EPHA5: variants seen among roughly 807,000 people sequenced by gnomAD.
EPHA5 encodes EPH receptor A5, also known as ephrin type-A receptor 5.
A neutral mutation model predicts 105.0 loss-of-function variants in EPHA5; 60 were observed. The ratio of observed to expected loss-of-function variants is 0.57; its 90% CI spans 0.46 to 0.71. The LOEUF is 0.71. Ranked by LOEUF, EPHA5 falls within the 30% of genes least tolerant of loss-of-function variation. The probability of loss-of-function intolerance (pLI) is 0.00; values close to 1 mark genes in which losing one functional copy is unlikely to be tolerated. For synonymous variants in EPHA5, 513 were observed against 449.1 expected, an observed-to-expected ratio of 1.14 and a Z score of -1.80; for missense variants, 1,218 against 1,274.7, an observed-to-expected ratio of 0.96 and a Z score of 0.68.
At chr4:65,596,100 C>T (rs1415120892) in intron 3 of EPHA5, among the ~76,000 whole-genome samples, 1 of 152,172 alleles carries the variant, frequency 6.6e-6, no homozygotes, top group African/African-American at 2.4e-5. Context: ...TAAACATGTA[C>T]ATCTCCTTCA....
At chr4:65,477,390 C>A (rs1435304020) in intron 5 of EPHA5, among the ~76,000 whole-genome samples, 2 of 151,856 alleles carry the variant, frequency 1.3e-5, no homozygotes, top group African/African-American at 4.8e-5. Flanking sequence ...GGAATCACTT[C>A]ATGTTTTTTG....
intron 2 of EPHA5, among the ~76,000 whole-genome samples, chr4:65,625,994 GA>G (rs1422975704): frequency 6.6e-6 from 1 of 151,720 alleles, no homozygotes; most frequent in Non-Finnish European, 1.5e-5. Flanking sequence ...CAGCTACTCG[GA>G]GAGGCTGAGG....
chr4:65,596,867 A>G (rs1743245866), intron 3 of EPHA5, among the ~76,000 whole-genome samples: 1 of 152,184 alleles, frequency 6.6e-6, no homozygotes, highest in Non-Finnish European at 1.5e-5. Context: ...TAATGTCCCT[A>G]ATTAAAAATA....
intron 5 of EPHA5, among the ~76,000 whole-genome samples, chr4:65,487,026 G>A (rs1425018297): frequency 6.6e-6 from 1 of 152,168 alleles, no homozygotes; most frequent in East Asian, 1.9e-4. Flanking sequence ...CTCGCCATGT[G>A]AGATGCCTCA....
chr4:65,610,499 T>C (rs1054763942), intron 2 of EPHA5, among the ~76,000 whole-genome samples: 6 of 151,988 alleles, frequency 3.9e-5, no homozygotes, highest in African/African-American at 1.4e-4. Flanking sequence ...AACCTGCACA[T>C]GTGCCCCGAG....
intron 8 of EPHA5, among the ~76,000 whole-genome samples, chr4:65,388,439 G>A (rs113766396): frequency 0.11 from 16,836 of 149,792 alleles, 1,241 homozygotes; most frequent in East Asian, 0.2. Flanking sequence ...CACCAACAGT[G>A]TAAAAGTGTT....
In EPHA5 at chr4:65,325,243, C is replaced by T. The variant is rs540389345; in HGVS notation, c.2946-1024G>A. 7.9e-5 allele frequency among the ~76,000 whole-genome samples: 12 copies of T among 151,342 alleles called. 1 individual carries two copies. The South Asian group carries it at 2.5e-3, about 31-fold the overall frequency. ...TCTTAGAGTTCTATTGAATTAATGACATTAGACATTAGAATAATCACAGGT... is the reference window on the plus strand; with the variant it reads ...TCTTAGAGTTCTATTGAATTAATGATATTAGACATTAGAATAATCACAGGT... On this transcript the variant is annotated intron_variant, in intron 16 of 16. Transcript: ENST00000613740.
rs2148769014 is a variant in EPHA5 at position 65,321,191 on chromosome 4, G to A, written c.*2923C>T. ...AAAGACTCATGCCCCTTAAGATATT[G>A]CTACTGGCAATTACAATAAGATTAT... On this transcript the variant is annotated 3_prime_UTR_variant, in exon 17 of 17. Transcript: ENST00000613740. The A allele has an allele frequency of 4.3e-6, 1 of 230,518 alleles. No individual in the cohort carries two copies. The highest frequency in any genetic ancestry group is 8.6e-6 in the Non-Finnish European group (1 of 116,312). 14.3% of individuals were successfully genotyped at this position (230,518 alleles called of 1,614,324 possible).
intron 8 of EPHA5, among the ~76,000 whole-genome samples, chr4:65,392,732 ATTATGT>A (rs1229929495): frequency 1.3e-5 from 2 of 152,152 alleles, no homozygotes; most frequent in African/African-American, 4.8e-5. Flanking sequence ...TGAGCATTTC[ATTATGT>A]TTATTTTAGA....
At chr4:65,606,019 T>C (rs1744197269) in intron 2 of EPHA5, among the ~76,000 whole-genome samples, 1 of 152,202 alleles carries the variant, frequency 6.6e-6, no homozygotes, top group South Asian at 2.1e-4. Flanking sequence ...GCTGACTACC[T>C]GGGCATCTCC....
chr4:65,651,961 C>T (rs1748647225), intron 1 of EPHA5, among the ~76,000 whole-genome samples: 1 of 152,088 alleles, frequency 6.6e-6, no homozygotes, highest in Admixed American at 6.5e-5. Context: ...GCTATATTCA[C>T]AGAACATATT....
intron 14 of EPHA5, among the ~76,000 whole-genome samples, chr4:65,345,111 A>T (rs1450040624): frequency 6.6e-6 from 1 of 152,166 alleles, no homozygotes; most frequent in Non-Finnish European, 1.5e-5. Context: ...AAGTATAAAT[A>T]TATGTAACAG....
intron 1 of EPHA5, among the ~76,000 whole-genome samples, chr4:65,654,005 G>C (rs966705901): frequency 2.0e-5 from 3 of 151,986 alleles, no homozygotes; most frequent in African/African-American, 4.8e-5. Context: ...ACAGCAATCT[G>C]CTTGCCAATT....
intron 2 of EPHA5, among the ~76,000 whole-genome samples, chr4:65,604,878 C>T (rs531298274): frequency 3.3e-5 from 5 of 152,108 alleles, no homozygotes; most frequent in Admixed American, 6.5e-5. Flanking sequence ...TCAATATTTT[C>T]TGTTCATTTT....
rs1719593078 is a variant in EPHA5, at chr4:65,320,957, T to C, written c.*3157A>G. On this transcript the variant is annotated 3_prime_UTR_variant, in exon 17 of 17. Coordinates refer to ENST00000613740, the MANE Select transcript of EPHA5 (RefSeq NM_001281766.3). ...AAATAAAAGATCATGCACATTACAA[T>C]TTTAAAACATAGGAAAATCAAAATC... 8.7e-6 allele frequency: 2 copies of C among 230,272 alleles called. No homozygotes were observed. The highest frequency in any genetic ancestry group is 1.7e-5 in the Non-Finnish European group (2 of 116,190). 14.3% of individuals were successfully genotyped at this position (230,272 alleles called of 1,614,324 possible). A position where few individuals can be genotyped will look rare whatever the true frequency, so the allele number is the denominator to read the frequency against.
At chr4:65,596,672 C>G (rs1402387270) in intron 3 of EPHA5, among the ~76,000 whole-genome samples, 2 of 107,766 alleles carry the variant, frequency 1.9e-5, no homozygotes, top group African/African-American at 6.1e-5. Flanking sequence ...TTGTGCCTCA[C>G]AAAAGCAGAA....
intron 5 of EPHA5, among the ~76,000 whole-genome samples, chr4:65,477,586 T>C (rs1729949325): frequency 6.6e-6 from 1 of 152,012 alleles, no homozygotes; most frequent in African/African-American, 2.4e-5. Flanking sequence ...GTAATTTTTG[T>C]ATTTTTAGTA....
intron 7 of EPHA5, among the ~76,000 whole-genome samples, chr4:65,405,512 C>T (rs1467873650): frequency 1.3e-5 from 2 of 152,076 alleles, no homozygotes; most frequent in Non-Finnish European, 1.5e-5. Context: ...CAAATACCTC[C>T]CTTTCTATTT....
At chr4:65,474,673 A>G (rs111937823) in intron 5 of EPHA5, among the ~76,000 whole-genome samples, 37 of 152,322 alleles carry the variant, frequency 2.4e-4, no homozygotes, top group African/African-American at 7.9e-4. Flanking sequence ...TAAAGAAGAT[A>G]TTGGTGTTTT....
Sources: allele counts gnomAD v4.1 joint callset (sites outside exome capture counted in the v4.1 genomes callset), GRCh38; gene constraint gnomAD v4.1.1; transcripts MANE v1.5; gene names NCBI Gene and HGNC (gene_info 2026-07-23, HGNC 2026-07-21).